Variants in USP24 observed in about 807,000 individuals in gnomAD.
The protein encoded by USP24 is ubiquitin carboxyl-terminal hydrolase 24.
A neutral mutation model predicts 361.6 loss-of-function variants in USP24; 97 were observed. The ratio of observed to expected loss-of-function variants is 0.27; its 90% CI spans 0.23 to 0.32. USP24 has a LOEUF of 0.32. Among genes scored for constraint, USP24 ranks in the 10% least tolerant of loss-of-function variants. The pLI is 1.00. For synonymous variants in USP24, 1,098 were observed against 1,124.6 expected (o/e 0.98, Z 0.47); for missense variants, 2,353 against 3,165.6 (o/e 0.74, Z 6.16).
chr1:55,144,054 A>G, intron 21 of USP24, 73 bp downstream of exon 21: 1 of 1,226,382 alleles, frequency 8.2e-7, no homozygotes, highest in Non-Finnish European at 1.1e-6. Context: ...CAATTATAAC[A>G]CTTTTTTTTT....
In USP24 at chr1:55,068,829, T is replaced by G. The variant is rs1375020320; in HGVS notation, c.*216A>C. The G allele has an allele frequency of 1.9e-5, 11 of 572,936 alleles. No individual in the cohort carries two copies. The East Asian group carries it at 3.1e-4, about 16-fold the overall frequency. The allele number at this position is 572,936 out of a possible 1,614,324, so 35.5% of individuals were successfully genotyped here. ...ATATAGACCACGCTCCCGGGACAGC[T>G]GATCCACATGCCGGAGTTCTCCCAC... On this transcript the variant is annotated 3_prime_UTR_variant, in exon 68 of 68. Coordinates refer to ENST00000294383, the MANE Select transcript of USP24 (RefSeq NM_015306.3).
chr1:55,175,243 T>C lies in USP24; in HGVS notation c.558+1133A>G, dbSNP rs868223982. Among the ~76,000 whole-genome samples, 441 of 81,886 alleles carry C rather than the reference T, an allele frequency of 5.4e-3. 2 individuals are homozygous for C. Among genetic ancestry groups the C allele is most frequent in the African/African-American group, 0.018 (428 of 23,552 alleles). The allele number at this position is 81,886 out of a possible 152,430, so 53.7% of individuals were successfully genotyped here. ...TCTTTTTTTTTTTTTTTTTTTTTTT[T>C]TGAGACGGAGCCTCGCACTGTCACG... is the stretch of plus-strand genomic sequence containing the variant. On this transcript the variant is annotated intron_variant, in intron 3 of 67. Coordinates refer to ENST00000294383, the MANE Select transcript of USP24 (RefSeq NM_015306.3).
At chr1:55,082,062 T>C (rs2100431197) in intron 58 of USP24, among the ~76,000 whole-genome samples, 1 of 152,312 alleles carries the variant, frequency 6.6e-6, no homozygotes, top group South Asian at 2.1e-4. Flanking sequence ...ATGCTGTCAG[T>C]ACTTGTTTTT....
chr1:55,156,883 C>T, intron 12 of USP24, 65 bp downstream of exon 12: 1 of 1,154,288 alleles, frequency 8.7e-7, no homozygotes, highest in Non-Finnish European at 1.3e-6. Context: ...TCTCTCATCA[C>T]CCTTTTCGCT....
chr1:55,123,672 A>G, intron 35 of USP24, 70 bp from the exon 36 acceptor site: 12 of 1,418,904 alleles, frequency 8.5e-6, no homozygotes, highest in South Asian at 8.3e-5. Flanking sequence ...TCTTTTTACT[A>G]TATGTTCCAG....
chr1:55,178,716 TAAATAAATAAATA>T (rs1055394015), intron 1 of USP24, among the ~76,000 whole-genome samples: 2 of 124,824 alleles, frequency 1.6e-5, no homozygotes, highest in African/African-American at 9.0e-5. Context: ...AATAAATAAA[TAAATAAATAAATA>T]AAAAGAACTG....
intron 67 of USP24, among the ~76,000 whole-genome samples, chr1:55,069,739 G>A (rs1010809346): frequency 6.6e-6 from 1 of 151,772 alleles, no homozygotes; most frequent in Non-Finnish European, 1.5e-5. Context: ...AGGCACAGTC[G>A]CTTATGCCTG....
chr1:55,199,100 G>A (rs2100909461), intron 1 of USP24, among the ~76,000 whole-genome samples: 1 of 152,038 alleles, frequency 6.6e-6, no homozygotes, highest in East Asian at 1.9e-4. Context: ...GACCAGCTTG[G>A]CCAACAGGCA....
At position 55,081,518 on chromosome 1, in the gene USP24, G is replaced by A. The variant is rs546404935; in HGVS notation, c.6976-94C>T. ...GGTTTGCTGGTTCATAATATTCTGG[G>A]CTTTAATTATTTCTCAGTGCTTGAC... On this transcript the variant is annotated intron_variant, in intron 58 of 67. Coordinates refer to ENST00000294383, the MANE Select transcript of USP24 (RefSeq NM_015306.3). The A allele has an allele frequency of 9.0e-6, 11 of 1,219,054 alleles. No homozygotes were observed. The African/African-American group carries it at 1.7e-4, about 18-fold the overall frequency. The allele number at this position is 1,219,054 out of a possible 1,614,324, so 75.5% of individuals were successfully genotyped here.
At chr1:55,073,959 C>T (rs955298246) in intron 63 of USP24, 53 bp from the exon 64 acceptor site, 8 of 1,423,832 alleles carry the variant, frequency 5.6e-6, no homozygotes, top group Non-Finnish European at 7.7e-6. Context: ...CTGAAAATGG[C>T]TCCAAGTGAC....
In USP24 at chr1:55,125,523, G is replaced by T. The variant is rs1424703402; in HGVS notation, c.3757C>A (p.Pro1253Thr). The T allele has an allele frequency of 6.2e-7, 1 of 1,613,678 alleles. No homozygotes were observed. The highest frequency in any genetic ancestry group is 1.7e-5 in the Admixed American group (1 of 60,000). Residue 1253 changes from proline to threonine, a missense_variant, in exon 34 of 68, where the codon CCC becomes ACC. Around this residue, in one of 8 missense-constraint regions of USP24, gnomAD observed 949 missense variants for 1,280.5 expected, o/e 0.74. Coordinates refer to ENST00000294383, the MANE Select transcript of USP24 (RefSeq NM_015306.3). ...GTGAGGTCTTCATCTAATAACGTGG[G>T]CATTGTTTGTCCGACAAGTAAAAAT... The part of the protein sequence containing the change: ...ARFLLVGQTM[P>T]TLLDEDLTKD...
At chr1:55,110,849 A>G (rs1645928571) in intron 38 of USP24, among the ~76,000 whole-genome samples, 1 of 152,180 alleles carries the variant, frequency 6.6e-6, no homozygotes, top group African/African-American at 2.4e-5. Context: ...ATGGACAACT[A>G]CTTCACTTTT....
chr1:55,207,376 C>T (rs1033706089), intron 1 of USP24, among the ~76,000 whole-genome samples: 11 of 151,660 alleles, frequency 7.3e-5, no homozygotes, highest in African/African-American at 2.4e-4. Context: ...ATTTGAATTT[C>T]TGACCAACAA....
At chr1:55,155,957 C>T (rs1166615128) in intron 12 of USP24, among the ~76,000 whole-genome samples, 1 of 151,978 alleles carries the variant, frequency 6.6e-6, no homozygotes, top group African/African-American at 2.4e-5. Flanking sequence ...TCTTTTTTTG[C>T]TCCTCTACCT....
chr1:55,101,489 T>C (rs534501814), intron 43 of USP24, 95 bp downstream of exon 43: 2 of 1,509,564 alleles, frequency 1.3e-6, no homozygotes, highest in South Asian at 1.3e-5. Flanking sequence ...TGTCTTGTTT[T>C]AGGAAACCCC....
intron 1 of USP24, among the ~76,000 whole-genome samples, chr1:55,186,380 C>T (rs1195701791): frequency 6.6e-6 from 1 of 152,132 alleles, no homozygotes; most frequent in African/African-American, 2.4e-5. Flanking sequence ...TTCTCAAAAA[C>T]TTAAATGGAA....
chr1:55,129,412 G>C, intron 32 of USP24, 65 bp downstream of exon 32: 1 of 1,369,800 alleles, frequency 7.3e-7, no homozygotes, highest in Non-Finnish European at 1.0e-6. Context: ...CTTTGCAGGG[G>C]AAATTAACTA....
At chr1:55,089,840 T>C in intron 54 of USP24, 100 bp from the exon 55 acceptor site, 3 of 775,028 alleles carry the variant, frequency 3.9e-6, no homozygotes, top group Non-Finnish European at 6.3e-6. Context: ...TATCTATGAA[T>C]GTCTCTCTGT....
intron 58 of USP24, among the ~76,000 whole-genome samples, chr1:55,081,809 C>T (rs2100430165): frequency 6.6e-6 from 1 of 152,334 alleles, no homozygotes; most frequent in South Asian, 2.1e-4. Flanking sequence ...GTAAGGCTAC[C>T]TGCCACCTCC....
Sources: gnomAD v4.1 joint callset for allele counts (sites outside exome capture counted in the v4.1 genomes callset) on GRCh38, gnomAD v4.1.1 for gene constraint, gnomAD v4.1.1 regional missense constraint, MANE v1.5 for transcripts, NCBI Gene and HGNC (gene_info 2026-07-23, HGNC 2026-07-21) for gene names.